BIRC6: variants seen among roughly 807,000 people sequenced by gnomAD.
BIRC6 encodes dual E2 ubiquitin-conjugating enzyme/E3 ubiquitin-protein ligase BIRC6.
In BIRC6, 98 loss-of-function variants were observed where a neutral mutation model predicts 503.3. The ratio of observed to expected loss-of-function variants is 0.19; its 90% CI spans 0.17 to 0.23. BIRC6 has a LOEUF of 0.23. Among genes scored for constraint, BIRC6 ranks in the 10% least tolerant of loss-of-function variants. The pLI is 1.00. For missense variants in BIRC6, 5,360 were observed against 5,806.0 expected (o/e 0.92, Z 2.50); for synonymous variants, 2,240 against 2,078.7 (o/e 1.08, Z -2.11).
At chr2:32,494,641 C>T (rs1195594792) in intron 45 of BIRC6, among the ~76,000 whole-genome samples, 1 of 151,964 alleles carries the variant, frequency 6.6e-6, no homozygotes, top group Non-Finnish European at 1.5e-5. Context: ...GTGGCTCACG[C>T]CTGTAATCCC....
In BIRC6 at chr2:32,495,790, G is replaced by GTTT. The variant is rs11464835; in HGVS notation, c.8468+2142_8468+2144dup. On this transcript the variant is annotated intron_variant, in intron 45 of 73. Transcript: ENST00000421745. Reference sequence around the variant, plus strand: ...TGTTATTTTTTGCTTTCAGGATGAAGTTTTTTTTTTTTTTTTTTTTTGCCT... The same window carrying GTTT: ...TGTTATTTTTTGCTTTCAGGATGAAGTTTTTTTTTTTTTTTTTTTTTTTTGCCT... Among the ~76,000 whole-genome samples, 58 of 84,788 alleles carry GTTT rather than the reference G, an allele frequency of 6.8e-4. 1 individual carries two copies. The highest frequency in any genetic ancestry group is 1.4e-3 in the African/African-American group (30 of 20,870). The allele number at this position is 84,788 out of a possible 152,430, so 55.6% of individuals were successfully genotyped here. A position where few individuals can be genotyped will look rare whatever the true frequency, so the allele number is the denominator to read the frequency against.
chr2:32,475,747 ATTTC>A (rs2049685800), intron 33 of BIRC6, among the ~76,000 whole-genome samples: 1 of 152,152 alleles, frequency 6.6e-6, no homozygotes, highest in Admixed American at 6.5e-5. Context: ...TAGCTTAATT[ATTTC>A]TTAAGCTACA....
intron 65 of BIRC6, among the ~76,000 whole-genome samples, chr2:32,550,017 T>C (rs2058320442): frequency 6.6e-6 from 1 of 152,198 alleles, no homozygotes; most frequent in Admixed American, 6.5e-5. Flanking sequence ...ATTTCCTTGG[T>C]TATGGAATTA....
Position 32,392,132 on chromosome 2 carries a change from A to G in BIRC6, c.933A>G (p.Gln311=), listed in dbSNP as rs1319401740. The stretch of plus-strand genomic sequence containing the variant: ...GGGCACAACCAGATCCCATGGCTCA[A>G]GCTGGATTTTATCATCAGGTAAAAA... The part of the protein sequence containing the change: ...YRWAQPDPMA[Q]AGFYHQPASS... The change falls in exon 5 of 74, where the codon CAA becomes CAG. Residue 311 remains glutamine, a synonymous_variant. Coordinates refer to ENST00000421745, the MANE Select transcript of BIRC6 (RefSeq NM_016252.4). The G allele has an allele frequency of 1.3e-6, 2 of 1,586,942 alleles. No homozygotes were observed. Among genetic ancestry groups the G allele is most frequent in the South Asian group, 1.1e-5 (1 of 87,006 alleles).
intron 1 of BIRC6, among the ~76,000 whole-genome samples, chr2:32,358,429 TG>T (rs2033531903): frequency 6.6e-6 from 1 of 152,314 alleles, no homozygotes; most frequent in Admixed American, 6.5e-5. Flanking sequence ...GGAATGGCCC[TG>T]GCTGAGTTAG....
intron 59 of BIRC6, 67 bp from the exon 60 acceptor site, chr2:32,529,584 A>C (rs116497749): frequency 0.031 from 41,256 of 1,342,298 alleles, 745 homozygotes; most frequent in Non-Finnish European, 0.035. Context: ...GTAAAAGCAG[A>C]TAATAATTAA....
At chr2:32,474,194 G>A (rs2049453943) in intron 33 of BIRC6, among the ~76,000 whole-genome samples, 1 of 151,710 alleles carries the variant, frequency 6.6e-6, no homozygotes, top group East Asian at 1.9e-4. Flanking sequence ...TGATTTATGG[G>A]GCTTTTTTTT....
intron 2 of BIRC6, among the ~76,000 whole-genome samples, chr2:32,378,458 A>AT (rs559807253): frequency 6.7e-4 from 97 of 145,740 alleles, no homozygotes; most frequent in South Asian, 1.7e-3. Flanking sequence ...AACAGCAGTA[A>AT]TTTTTTTTTT....
chr2:32,531,707 T>C (rs1483018441), intron 61 of BIRC6, among the ~76,000 whole-genome samples, 156 bp downstream of exon 61: 2 of 152,222 alleles, frequency 1.3e-5, no homozygotes, highest in Non-Finnish European at 2.9e-5. Flanking sequence ...GGTCAGTCTG[T>C]ACAGAGCTTC....
intron 65 of BIRC6, among the ~76,000 whole-genome samples, chr2:32,568,611 G>A (rs1272743818): frequency 6.6e-6 from 1 of 151,684 alleles, no homozygotes; most frequent in Non-Finnish European, 1.5e-5. Flanking sequence ...TCGAGAGTTC[G>A]AGGCGGGCAG....
chr2:32,482,529 C>G lies in BIRC6; in HGVS notation c.7643C>G (p.Pro2548Arg). 1 of 1,613,922 alleles carries G rather than the reference C, an allele frequency of 6.2e-7. No individual in the cohort carries two copies. Among genetic ancestry groups the G allele is most frequent in the Non-Finnish European group, 8.5e-7 (1 of 1,179,852 alleles). The part of the protein sequence containing the change: ...GGLGIPVAKP[P>R]ANTEKNGSQT... Reference sequence around the variant, plus strand: ...CTGGGAATTCCTGTAGCAAAGCCACCAGCAAACACGGAGAAGAACGGATCA... The same window carrying G: ...CTGGGAATTCCTGTAGCAAAGCCACGAGCAAACACGGAGAAGAACGGATCA... Residue 2548 changes from proline to arginine, a missense_variant, in exon 39 of 74, where the codon CCA (proline) becomes CGA (arginine). Physicochemically the swap from Pro to Arg is moderately radical, Grantham distance 103. Coordinates refer to ENST00000421745, the MANE Select transcript of BIRC6 (RefSeq NM_016252.4).
chr2:32,502,349 T>C (rs1490419632), intron 47 of BIRC6, among the ~76,000 whole-genome samples: 5 of 152,190 alleles, frequency 3.3e-5, no homozygotes, highest in Non-Finnish European at 7.4e-5. Flanking sequence ...TTTTTACAAA[T>C]GAAATTGTAG....
At chr2:32,492,709 CTTT>C (rs748313914) in intron 44 of BIRC6, among the ~76,000 whole-genome samples, 17 of 151,856 alleles carry the variant, frequency 1.1e-4, no homozygotes, top group Admixed American at 2.6e-4. Flanking sequence ...CTTTTTAAAA[CTTT>C]TTAAGTTACT....
chr2:32,362,786 TAAAAATTTTTTTTTTTTTA>T (rs2034324051), intron 1 of BIRC6, among the ~76,000 whole-genome samples: 1 of 151,654 alleles, frequency 6.6e-6, no homozygotes, highest in Non-Finnish European at 1.5e-5. Context: ...CCCAGTGTCT[TAAAAATTTTTTTTTTTTTA>T]AATTCATCCC....
At position 32,489,051 on chromosome 2, in the gene BIRC6, A is replaced by T. The variant is rs2051358342; in HGVS notation, c.8095+337A>T. Among the ~76,000 whole-genome samples the T allele has an allele frequency of 2.6e-5, 4 of 151,874 alleles. No individual in the cohort carries two copies. In the South Asian group the frequency reaches 8.3e-4, roughly 32 times the overall value. ...TATTATTTTTTTTTTTCATTTTTTAAAACTATGAGTTAGCCCCTGGAGGAG... is the reference window on the plus strand; with the variant it reads ...TATTATTTTTTTTTTTCATTTTTTATAACTATGAGTTAGCCCCTGGAGGAG... On this transcript the variant is annotated intron_variant, in intron 42 of 73. Transcript: ENST00000421745.
intron 42 of BIRC6, among the ~76,000 whole-genome samples, chr2:32,489,547 C>T (rs968752385): frequency 1.3e-5 from 2 of 151,992 alleles, no homozygotes; most frequent in Non-Finnish European, 1.5e-5. Flanking sequence ...CACAGTGGCT[C>T]ACACCTGTAA....
chr2:32,402,922 C>T (rs1219420321), intron 8 of BIRC6, among the ~76,000 whole-genome samples: 1 of 152,092 alleles, frequency 6.6e-6, no homozygotes, highest in Non-Finnish European at 1.5e-5. Context: ...TCACACCCTC[C>T]TAGGTAAAAT....
At chr2:32,502,184 T>G (rs1196644364) in intron 47 of BIRC6, among the ~76,000 whole-genome samples, 1 of 152,182 alleles carries the variant, frequency 6.6e-6, no homozygotes, top group African/African-American at 2.4e-5. Flanking sequence ...TAGCATAGTG[T>G]AATACTGAGG....
intron 50 of BIRC6, among the ~76,000 whole-genome samples, chr2:32,506,703 TG>T (rs1241684175): frequency 6.6e-6 from 1 of 152,220 alleles, no homozygotes; most frequent in African/African-American, 2.4e-5. Flanking sequence ...TTACAAAATT[TG>T]GTTTTATTAT....
Sources: allele counts gnomAD v4.1 joint callset (sites outside exome capture counted in the v4.1 genomes callset), GRCh38; gene constraint gnomAD v4.1.1; transcripts MANE v1.5; gene names NCBI Gene and HGNC (gene_info 2026-07-23, HGNC 2026-07-21).